The following DACH2 variants were observed in gnomAD, a reference collection of about 807,000 sequenced individuals.
DACH2 encodes the protein dachshund family transcription factor 2.
Under a neutral mutation model 35.8 loss-of-function variants are expected in DACH2, and 17 were observed. The observed-to-expected ratio is 0.48, with a 90% CI of 0.33 to 0.71. DACH2 has a LOEUF of 0.71. Among genes scored for constraint, DACH2 ranks in the 30% least tolerant of loss-of-function variants. The pLI is 0.02. For missense variants in DACH2, 469 were observed against 472.7 expected (o/e 0.99, Z 0.07); for synonymous variants, 195 against 177.3 (o/e 1.10, Z -0.79).
intron 3 of DACH2, among the ~76,000 whole-genome samples, chrX:86,546,853 C>T (rs773954815): frequency 2.3e-4 from 25 of 109,963 alleles, no homozygotes; most frequent in African/African-American, 7.6e-4. Flanking sequence ...GCAGATGCCT[C>T]GTATTTTCAA....
intron 1 of DACH2, among the ~76,000 whole-genome samples, chrX:86,355,809 G>A (rs1268764151): frequency 2.7e-5 from 3 of 111,719 alleles, no homozygotes; most frequent in African/African-American, 9.8e-5. Flanking sequence ...TCATATGCTT[G>A]TTGGCCACAT....
At chrX:86,537,950 C>T (rs1202804184) in intron 3 of DACH2, among the ~76,000 whole-genome samples, 1 of 110,888 alleles carries the variant, frequency 9.0e-6, no homozygotes, top group South Asian at 3.8e-4. Context: ...TTGTGAACCC[C>T]GCCCCTGCCC....
At chrX:86,574,830 G>T (rs976435027) in intron 3 of DACH2, among the ~76,000 whole-genome samples, 1 of 111,040 alleles carries the variant, frequency 9.0e-6, no homozygotes, top group African/African-American at 3.3e-5. Flanking sequence ...TTTCTTATCA[G>T]GAATACATCA....
intron 3 of DACH2, among the ~76,000 whole-genome samples, chrX:86,619,895 A>G (rs2040049944): frequency 8.9e-6 from 1 of 112,328 alleles, no homozygotes; most frequent in African/African-American, 3.2e-5. Flanking sequence ...CAAAGCCATT[A>G]TACACGAAGA....
At chrX:86,810,181 A>AT (rs1400997364) in intron 7 of DACH2, among the ~76,000 whole-genome samples, 1 of 111,395 alleles carries the variant, frequency 9.0e-6, no homozygotes, top group East Asian at 2.8e-4. Flanking sequence ...ATTTAATGGC[A>AT]TTTTTTTCAT....
At chrX:86,428,930 A>G (rs1264169046) in intron 2 of DACH2, among the ~76,000 whole-genome samples, 4 of 111,450 alleles carry the variant, frequency 3.6e-5, no homozygotes, top group African/African-American at 1.3e-4. Flanking sequence ...ACTTAACTGC[A>G]ATAAAATTGT....
intron 3 of DACH2, among the ~76,000 whole-genome samples, chrX:86,618,546 T>A (rs1428651028): frequency 8.9e-6 from 1 of 112,006 alleles, no homozygotes; most frequent in Non-Finnish European, 1.9e-5. Flanking sequence ...TTTGTAGAAA[T>A]TTTTTGATAA....
At chrX:86,601,398 C>A (rs1001174163) in intron 3 of DACH2, among the ~76,000 whole-genome samples, 1 of 111,609 alleles carries the variant, frequency 9.0e-6, no homozygotes, top group African/African-American at 3.2e-5. Flanking sequence ...CAACTTTTAT[C>A]CATTCAATAA....
chrX:86,172,407 T>G (rs1439407330), intron 1 of DACH2, among the ~76,000 whole-genome samples: 1 of 112,108 alleles, frequency 8.9e-6, no homozygotes, highest in Non-Finnish European at 1.9e-5. Context: ...AGTAATAGTA[T>G]CTCATGGTCT....
intron 1 of DACH2, among the ~76,000 whole-genome samples, chrX:86,359,607 C>T (rs1385632099): frequency 1.8e-5 from 2 of 110,741 alleles, no homozygotes; most frequent in Non-Finnish European, 3.8e-5. Context: ...AAATTAACTG[C>T]GTACAGTGGT....
chrX:86,535,719 A>C (rs746204731), intron 3 of DACH2, among the ~76,000 whole-genome samples: 183 of 110,490 alleles, frequency 1.7e-3, no homozygotes, highest in African/African-American at 5.8e-3. Context: ...AGAAAAAAAA[A>C]CGGTAGGCTT....
intron 1 of DACH2, among the ~76,000 whole-genome samples, chrX:86,255,735 G>A (rs2033506001): frequency 9.0e-6 from 1 of 111,421 alleles, no homozygotes; most frequent in African/African-American, 3.3e-5. Context: ...TAAGTAAATG[G>A]GAACAAAATA....
At chrX:86,277,166 G>T (rs137890982) in intron 1 of DACH2, among the ~76,000 whole-genome samples, 1,401 of 111,135 alleles carry the variant, frequency 0.013, 20 homozygotes, top group African/African-American at 0.042. Flanking sequence ...TTATATCCAT[G>T]GAATGTCTTC....
chrX:86,374,174 A>G (rs964587898), intron 1 of DACH2, among the ~76,000 whole-genome samples: 2 of 110,836 alleles, frequency 1.8e-5, no homozygotes, highest in Non-Finnish European at 3.8e-5. Flanking sequence ...TGATTCTTAT[A>G]CTAAACTGAC....
chrX:86,610,363 C>CTT (rs2039916814), intron 3 of DACH2, among the ~76,000 whole-genome samples: 4 of 70,084 alleles, frequency 5.7e-5, no homozygotes, highest in East Asian at 1.0e-3. Flanking sequence ...TCCTTCCTTC[C>CTT]TCTTTCTTTC....
intron 2 of DACH2, among the ~76,000 whole-genome samples, chrX:86,441,137 T>C (rs920207679): frequency 4.5e-5 from 5 of 111,623 alleles, no homozygotes; most frequent in African/African-American, 1.6e-4. Context: ...ATATAGTGTA[T>C]AGTAATCACA....
intron 1 of DACH2, among the ~76,000 whole-genome samples, chrX:86,320,379 A>AT (rs917623069): frequency 2.7e-5 from 3 of 111,772 alleles, no homozygotes; most frequent in Admixed American, 9.5e-5. Context: ...GATTCTTACC[A>AT]TTTTTTTCCC....
chrX:86,533,911 C>T (rs1461255545), intron 3 of DACH2, among the ~76,000 whole-genome samples: 4 of 111,112 alleles, frequency 3.6e-5, no homozygotes, highest in South Asian at 7.5e-4. Flanking sequence ...TATGCAAAAA[C>T]AAGAATTTCT....
chrX:86,468,821 A>G (rs1240314600), intron 2 of DACH2, among the ~76,000 whole-genome samples: 1 of 111,557 alleles, frequency 9.0e-6, no homozygotes. Flanking sequence ...TTAAAAACAG[A>G]ACTACCATAT....
Sources: allele counts gnomAD v4.1 joint callset (sites outside exome capture counted in the v4.1 genomes callset), GRCh38; gene constraint gnomAD v4.1.1; transcripts MANE v1.5; gene names NCBI Gene and HGNC (gene_info 2026-07-23, HGNC 2026-07-21).